CNTN4: variants seen among roughly 807,000 people sequenced by gnomAD.
CNTN4 encodes contactin-4.
In CNTN4, 77 loss-of-function variants were observed where a neutral mutation model predicts 122.5. The observed-to-expected ratio is 0.63, with a 90% CI of 0.52 to 0.76. The LOEUF (loss-of-function observed/expected upper bound fraction) is 0.76. Ranked by LOEUF, CNTN4 falls within the 30% of genes least tolerant of loss-of-function variation. CNTN4 has a pLI of 0.00. For synonymous variants in CNTN4, 512 were observed against 447.0 expected, an observed-to-expected ratio of 1.15 and a Z score of -1.83; for missense variants, 1,256 against 1,259.1, an observed-to-expected ratio of 1.00 and a Z score of 0.04.
At chr3:2,918,095 G>T (rs1481861300) in intron 12 of CNTN4, among the ~76,000 whole-genome samples, 2 of 152,182 alleles carry the variant, frequency 1.3e-5, no homozygotes, top group East Asian at 3.8e-4. Context: ...CAAAATATAT[G>T]CTCTCATTGC....
chr3:2,684,256 A>T (rs934987674), intron 4 of CNTN4, among the ~76,000 whole-genome samples: 5 of 152,176 alleles, frequency 3.3e-5, no homozygotes, highest in African/African-American at 1.2e-4. Flanking sequence ...GAGTAAGATG[A>T]ATGAATCCCA....
intron 2 of CNTN4, among the ~76,000 whole-genome samples, chr3:2,325,315 T>A (rs570393345): frequency 6.6e-6 from 1 of 152,348 alleles, no homozygotes; most frequent in South Asian, 2.1e-4. Context: ...ATTTTCCCAT[T>A]GAACATGCTA....
chr3:2,587,651 C>T (rs926162555), intron 4 of CNTN4, among the ~76,000 whole-genome samples: 22 of 152,104 alleles, frequency 1.4e-4, no homozygotes, highest in African/African-American at 4.3e-4. Flanking sequence ...TTCAGCTATG[C>T]GCTCGATTCA....
chr3:2,546,948 A>G (rs562332975), intron 3 of CNTN4, among the ~76,000 whole-genome samples: 80 of 152,278 alleles, frequency 5.3e-4, no homozygotes, highest in African/African-American at 1.8e-3. Context: ...TGATGATGAT[A>G]GTAGTTAACT....
At chr3:2,409,479 C>A (rs755249422) in intron 3 of CNTN4, among the ~76,000 whole-genome samples, 2 of 152,014 alleles carry the variant, frequency 1.3e-5, no homozygotes, top group Non-Finnish European at 2.9e-5. Context: ...GAATTCCTGA[C>A]CTTGTGATCT....
intron 6 of CNTN4, among the ~76,000 whole-genome samples, chr3:2,775,673 A>G (rs1449305308): frequency 6.6e-6 from 1 of 152,138 alleles, no homozygotes. Context: ...TGCCTGCCTT[A>G]GCCTCCCAAA....
chr3:2,545,390 T>C (rs183387263), intron 3 of CNTN4, among the ~76,000 whole-genome samples: 119 of 152,116 alleles, frequency 7.8e-4, no homozygotes, highest in Admixed American at 1.3e-3. Context: ...TGGTCAAGTG[T>C]TGGGATCAGG....
intron 4 of CNTN4, among the ~76,000 whole-genome samples, chr3:2,605,409 C>T (rs2081216123): frequency 6.6e-6 from 1 of 152,022 alleles, no homozygotes; most frequent in Admixed American, 6.6e-5. Flanking sequence ...AGGGAGAGCC[C>T]TGTAGCAAGG....
At chr3:2,424,120 G>T (rs1451373050) in intron 3 of CNTN4, among the ~76,000 whole-genome samples, 3 of 150,362 alleles carry the variant, frequency 2.0e-5, no homozygotes, top group African/African-American at 4.9e-5. Context: ...CAACGTGCAG[G>T]GTTGTTACAT....
chr3:2,881,840 C>T (rs1396315325), intron 8 of CNTN4, among the ~76,000 whole-genome samples: 1 of 152,104 alleles, frequency 6.6e-6, no homozygotes, highest in Non-Finnish European at 1.5e-5. Flanking sequence ...CATTTTTTGT[C>T]TTTAACCTTT....
chr3:2,194,244 A>G (rs932986197), intron 2 of CNTN4, among the ~76,000 whole-genome samples: 1 of 152,020 alleles, frequency 6.6e-6, no homozygotes, highest in Non-Finnish European at 1.5e-5. Flanking sequence ...CAGGAGGATC[A>G]CTTGAGCCCA....
intron 4 of CNTN4, among the ~76,000 whole-genome samples, chr3:2,616,980 G>T (rs114954622): frequency 1.3e-5 from 2 of 151,912 alleles, no homozygotes; most frequent in African/African-American, 4.8e-5. Context: ...CACCTTATAC[G>T]AAAATTAACT....
chr3:2,676,975 A>G (rs2150434033), intron 4 of CNTN4, among the ~76,000 whole-genome samples: 1 of 152,262 alleles, frequency 6.6e-6, no homozygotes, highest in Non-Finnish European at 1.5e-5. Flanking sequence ...AAATCTTCAG[A>G]GCCTGCAGGG....
chr3:2,257,394 C>CTT (rs2149720833), intron 2 of CNTN4, among the ~76,000 whole-genome samples: 2 of 152,286 alleles, frequency 1.3e-5, no homozygotes, highest in East Asian at 3.9e-4. Flanking sequence ...GACTTCATGA[C>CTT]TAAGACACCA....
chr3:2,744,863 A>G (rs901940803), intron 5 of CNTN4, among the ~76,000 whole-genome samples: 7 of 152,210 alleles, frequency 4.6e-5, no homozygotes, highest in Non-Finnish European at 8.8e-5. Flanking sequence ...AAGGACAAAA[A>G]ACAAAAAACC....
At chr3:2,217,595 A>G (rs2038898299) in intron 2 of CNTN4, among the ~76,000 whole-genome samples, 1 of 152,212 alleles carries the variant, frequency 6.6e-6, no homozygotes, top group Non-Finnish European at 1.5e-5. Context: ...TAATATTCAC[A>G]TTCTGGTGGC....
At chr3:2,606,879 C>T (rs2081281341) in intron 4 of CNTN4, among the ~76,000 whole-genome samples, 1 of 152,188 alleles carries the variant, frequency 6.6e-6, no homozygotes. Flanking sequence ...TCCTTTGCCT[C>T]ATGGCAGTAT....
chr3:2,721,797 G>T (rs2087872187), intron 4 of CNTN4, among the ~76,000 whole-genome samples: 2 of 152,104 alleles, frequency 1.3e-5, no homozygotes, highest in African/African-American at 2.4e-5. Flanking sequence ...ATTTGCTATG[G>T]TCTGAAAGTT....
At chr3:2,326,018 G>T (rs2043441784) in intron 2 of CNTN4, among the ~76,000 whole-genome samples, 1 of 151,084 alleles carries the variant, frequency 6.6e-6, no homozygotes, top group Middle Eastern at 3.2e-3. Context: ...GGTTCAGTTT[G>T]ACTGGGCCAC....
Sources: gnomAD v4.1 joint callset for allele counts (sites outside exome capture counted in the v4.1 genomes callset) on GRCh38, gnomAD v4.1.1 for gene constraint, MANE v1.5 for transcripts, NCBI Gene and HGNC (gene_info 2026-07-23, HGNC 2026-07-21) for gene names.